LRBA: variants seen among roughly 807,000 people sequenced by gnomAD.
The protein encoded by LRBA is LPS responsive beige-like anchor protein, also known as lipopolysaccharide-responsive and beige-like anchor protein.
In LRBA, 176 loss-of-function variants were observed where a neutral mutation model predicts 330.0. The observed-to-expected ratio is 0.53, with a 90% CI of 0.47 to 0.60. The LOEUF (loss-of-function observed/expected upper bound fraction) is 0.60, where lower values mean the gene tolerates loss of function less well. Among genes scored for constraint, LRBA ranks in the 20% least tolerant of loss-of-function variants. The pLI, the probability that LRBA is intolerant of heterozygous loss-of-function variation, is 0.00. For missense variants in LRBA, 3,259 were observed against 3,444.8 expected (o/e 0.95, Z 1.35); for synonymous variants, 1,230 against 1,193.0 (o/e 1.03, Z -0.64).
At chr4:150,689,499 TA>T (rs71596229) in intron 36 of LRBA, among the ~76,000 whole-genome samples, 177 of 147,290 alleles carry the variant, frequency 1.2e-3, no homozygotes, top group African/African-American at 3.8e-3. Flanking sequence ...CTAAAAGATT[TA>T]AAAAAAAAAC....
chr4:150,411,938 A>G (rs544484208), intron 47 of LRBA, among the ~76,000 whole-genome samples: 1 of 152,206 alleles, frequency 6.6e-6, no homozygotes, highest in African/African-American at 2.4e-5. Flanking sequence ...TAACCAATAC[A>G]TAAGATACAA....
intron 14 of LRBA, among the ~76,000 whole-genome samples, chr4:150,898,474 A>G (rs1224558804): frequency 6.6e-6 from 1 of 152,136 alleles, no homozygotes; most frequent in Non-Finnish European, 1.5e-5. Flanking sequence ...TCATTGTTCT[A>G]AGATCCTAAG....
intron 4 of LRBA, among the ~76,000 whole-genome samples, chr4:150,922,612 TG>T (rs1393105814): frequency 2.6e-5 from 4 of 151,900 alleles, no homozygotes; most frequent in Non-Finnish European, 5.9e-5. Context: ...TTTGGGGACT[TG>T]GGGTAAGAGT....
At chr4:150,915,488 A>T (rs907767758) in intron 8 of LRBA, 120 bp downstream of exon 8, 1 of 816,830 alleles carries the variant, frequency 1.2e-6, no homozygotes, top group Admixed American at 3.2e-5. Context: ...AATTATGTTT[A>T]TAAAAATCTA....
intron 2 of LRBA, among the ~76,000 whole-genome samples, chr4:150,940,659 TCTG>T (rs1435246230): frequency 1.3e-5 from 2 of 152,146 alleles, no homozygotes; most frequent in Non-Finnish European, 2.9e-5. Context: ...CTTGCCTCTC[TCTG>T]CTATCTTTTG....
chr4:150,866,051 T>C (rs778523208), intron 22 of LRBA, among the ~76,000 whole-genome samples: 10 of 152,190 alleles, frequency 6.6e-5, no homozygotes, highest in Non-Finnish European at 1.5e-4. Context: ...TGACAAAATA[T>C]CTTAGAATAA....
chr4:150,777,105 G>GTT (rs1737481868), intron 34 of LRBA, among the ~76,000 whole-genome samples: 1 of 151,398 alleles, frequency 6.6e-6, no homozygotes, highest in Non-Finnish European at 1.5e-5. Context: ...TGTTGTTGTT[G>GTT]TTTGAAAAAG....
At chr4:150,279,116 G>A (rs1253204153) in intron 55 of LRBA, among the ~76,000 whole-genome samples, 2 of 152,186 alleles carry the variant, frequency 1.3e-5, no homozygotes, top group Admixed American at 6.5e-5. Context: ...GAACCACTGC[G>A]CCTGGCCTTC....
At chr4:150,884,669 G>T (rs540694761) in intron 17 of LRBA, among the ~76,000 whole-genome samples, 1 of 152,034 alleles carries the variant, frequency 6.6e-6, no homozygotes, top group African/African-American at 2.4e-5. Flanking sequence ...AACACAATCT[G>T]CAAACTAAAT....
At chr4:150,306,011 A>T (rs1034824986) in intron 52 of LRBA, among the ~76,000 whole-genome samples, 1 of 104,596 alleles carries the variant, frequency 9.6e-6, no homozygotes, top group African/African-American at 2.7e-5. Context: ...ATATTACCAC[A>T]AGCACTAGAA....
In LRBA at chr4:150,302,738, C is replaced by T. The variant is rs1228840595; in HGVS notation, c.7904G>A (p.Arg2635His). The T allele has an allele frequency of 9.3e-6, 15 of 1,610,186 alleles. No homozygotes were observed. The highest frequency in any genetic ancestry group is 1.0e-5 in the Non-Finnish European group (12 of 1,177,870). The change falls in exon 53 of 57, where the codon CGT becomes CAT. Residue 2635 changes from arginine to histidine, a missense_variant. Transcript: ENST00000651943. Reference protein sequence around the residue: ...GHWDVVTCLARSESYIGGNCY... With the variant: ...GHWDVVTCLAHSESYIGGNCY... ...ATTTCCCCCAATATATGACTCAGAA[C>T]GAGCAAGGCAAGTGACGACATCCCA... is the stretch of plus-strand genomic sequence containing the variant.
At chr4:150,654,303 C>T (rs1359767070) in intron 37 of LRBA, among the ~76,000 whole-genome samples, 2 of 152,050 alleles carry the variant, frequency 1.3e-5, no homozygotes, top group Non-Finnish European at 2.9e-5. Flanking sequence ...TCTCCTGCCT[C>T]AACCTCCCAA....
intron 56 of LRBA, among the ~76,000 whole-genome samples, chr4:150,270,576 G>C (rs1416541398): frequency 1.3e-5 from 2 of 152,166 alleles, no homozygotes; most frequent in Non-Finnish European, 2.9e-5. Context: ...GATGAAAAGG[G>C]TCTGGAAATG....
At chr4:150,421,337 TATGTATATATTTATATATA>T (rs1039970805) in intron 46 of LRBA, among the ~76,000 whole-genome samples, 8 of 145,862 alleles carry the variant, frequency 5.5e-5, no homozygotes, top group Non-Finnish European at 1.2e-4. Flanking sequence ...TATGTCATTT[TATGTATATATTTATATATA>T]CATATATACA....
chr4:150,838,511 A>G (rs914093707), intron 28 of LRBA, among the ~76,000 whole-genome samples: 1 of 151,784 alleles, frequency 6.6e-6, no homozygotes, highest in African/African-American at 2.4e-5. Flanking sequence ...TTTTTCTCTA[A>G]ACTTCTCTTC....
At chr4:150,917,418 G>C (rs892522350) in intron 5 of LRBA, among the ~76,000 whole-genome samples, 7 of 152,068 alleles carry the variant, frequency 4.6e-5, no homozygotes, top group African/African-American at 1.7e-4. Flanking sequence ...TATTAGAATA[G>C]AGAAAGATGG....
At chr4:151,012,506 A>G (rs1196671903) in intron 2 of LRBA, among the ~76,000 whole-genome samples, 2 of 152,230 alleles carry the variant, frequency 1.3e-5, no homozygotes. Context: ...AAATGTTTCA[A>G]GTCTATTTTG....
At chr4:150,454,120 C>T (rs1753746387) in intron 44 of LRBA, among the ~76,000 whole-genome samples, 2 of 152,082 alleles carry the variant, frequency 1.3e-5, no homozygotes, top group Admixed American at 1.3e-4. Context: ...ACCACCACAT[C>T]TGACTAATTT....
intron 46 of LRBA, among the ~76,000 whole-genome samples, chr4:150,420,387 GTATA>G (rs756441235): frequency 0.043 from 1,711 of 39,788 alleles, 38 homozygotes; most frequent in East Asian, 0.12. Flanking sequence ...ACACATTATA[GTATA>G]TATAAAGTAT....
Sources: gnomAD v4.1 joint callset for allele counts (sites outside exome capture counted in the v4.1 genomes callset) on GRCh38, gnomAD v4.1.1 for gene constraint, MANE v1.5 for transcripts, NCBI Gene and HGNC (gene_info 2026-07-23, HGNC 2026-07-21) for gene names.